The following SPTBN4 variants were observed in gnomAD, a reference collection of about 807,000 sequenced individuals.
SPTBN4 encodes spectrin beta chain, non-erythrocytic 4.
In SPTBN4, 96 loss-of-function variants were observed where a neutral mutation model predicts 277.8. The ratio of observed to expected loss-of-function variants is 0.35; its 90% CI spans 0.29 to 0.41. The LOEUF is 0.41. SPTBN4 is among the 10% of genes least tolerant of loss of function. The pLI, the probability that SPTBN4 is intolerant of heterozygous loss-of-function variation, is 1.00. For missense variants in SPTBN4, 3,006 were observed against 3,595.7 expected, an observed-to-expected ratio of 0.84 and a Z score of 4.19; for synonymous variants, 1,481 against 1,580.3, an observed-to-expected ratio of 0.94 and a Z score of 1.49.
At chr19:40,559,694 AG>A (rs2145940927) in intron 26 of SPTBN4, among the ~76,000 whole-genome samples, 1 of 152,352 alleles carries the variant, frequency 6.6e-6, no homozygotes, top group East Asian at 1.9e-4. Flanking sequence ...GAGTGAGCAG[AG>A]CTCATACAGC....
chr19:40,522,348 A>ATTTT (rs567161952), intron 16 of SPTBN4, among the ~76,000 whole-genome samples: 22 of 117,696 alleles, frequency 1.9e-4, no homozygotes, highest in African/African-American at 6.4e-4. Flanking sequence ...ATAGTAACCA[A>ATTTT]TTTTTTTTTT....
Position 40,504,015 on chromosome 19 carries a change from G to A in SPTBN4, c.1548G>A (p.Gln516=). The A allele has an allele frequency of 1.2e-6, 2 of 1,614,040 alleles. No individual in the cohort carries two copies. The highest frequency in any genetic ancestry group is 2.2e-5 in the East Asian group (1 of 44,880). ...VAAQRDSVLR[Q]WALLTGLVGA... ...CCCAGCGTGACAGCGTCCTGCGCCA[G>A]TGGGCCCTGCTAACTGGGCTTGTGG... Residue 516 remains glutamine, a synonymous_variant, in exon 12 of 36, where the codon CAG becomes CAA. Coordinates refer to ENST00000598249, the MANE Select transcript of SPTBN4 (RefSeq NM_020971.3).
chr19:40,554,660 T>C lies in SPTBN4; in HGVS notation c.5084+14T>C. 6.3e-7 allele frequency: 1 copy of C among 1,591,234 alleles called. No homozygotes were observed. Among genetic ancestry groups the C allele is most frequent in the Non-Finnish European group, 8.6e-7 (1 of 1,169,490 alleles). Reference sequence around the variant, plus strand: ...GCACCCGGACAGGTGGGCGGGCGCGTGGCCAGTTCACAGGAATGGTCCAGC... The same window carrying C: ...GCACCCGGACAGGTGGGCGGGCGCGCGGCCAGTTCACAGGAATGGTCCAGC... On this transcript the variant is annotated intron_variant, in intron 24 of 35. Coordinates refer to ENST00000598249, the MANE Select transcript of SPTBN4 (RefSeq NM_020971.3). This position sits in a 1 kb window ranked among gnomAD's most constrained non-coding sequence, Gnocchi z 5.7.
At chr19:40,533,744 G>C (rs1357063060) in intron 19 of SPTBN4, among the ~76,000 whole-genome samples, 1 of 151,810 alleles carries the variant, frequency 6.6e-6, no homozygotes, top group Admixed American at 6.6e-5. Context: ...TTCTGTGCCT[G>C]TCTCTCTGTT....
intron 17 of SPTBN4, among the ~76,000 whole-genome samples, chr19:40,528,042 C>T (rs1178442753): frequency 2.5e-4 from 32 of 125,652 alleles, no homozygotes; most frequent in African/African-American, 9.3e-4. Context: ...GGCGATGGAG[C>T]GAGACTCCAT....
intron 13 of SPTBN4, among the ~76,000 whole-genome samples, chr19:40,512,345 C>T (rs2080399806): frequency 1.3e-5 from 2 of 152,192 alleles, no homozygotes; most frequent in African/African-American, 4.8e-5. Flanking sequence ...AAGGAGCTCT[C>T]AGTCCAGTGG....
chr19:40,551,707 C>T (rs1301870267), intron 22 of SPTBN4, among the ~76,000 whole-genome samples: 1 of 152,204 alleles, frequency 6.6e-6, no homozygotes, highest in Non-Finnish European at 1.5e-5. Context: ...AATAATAAGG[C>T]ATTGTGCCAG....
Position 40,529,106 on chromosome 19 carries a change from A to G in SPTBN4, c.3923A>G (p.Gln1308Arg), listed in dbSNP as rs759112736. ...AAGCTACATGACCAACTTGAGCTGC[A>G]GCACTTCCTCCGAGACTGCCACGAG... ...MQKLHDQLEL[Q>R]HFLRDCHELD... The change falls in exon 18 of 36, where the codon CAG becomes CGG. Residue 1308 changes from glutamine to arginine, a missense_variant. Gln to Arg is a conservative substitution (Grantham distance 43). Around this residue, in one of 5 missense-constraint regions of SPTBN4, gnomAD observed 1,759 missense variants for 2,061.5 expected, o/e 0.85. Coordinates refer to ENST00000598249, the MANE Select transcript of SPTBN4 (RefSeq NM_020971.3). 6.2e-7 allele frequency: 1 copy of G among 1,614,058 alleles called. No homozygotes were observed. The highest frequency in any genetic ancestry group is 2.2e-5 in the East Asian group (1 of 44,876).
intron 19 of SPTBN4, 51 bp from the exon 20 acceptor site, chr19:40,534,029 C>T: frequency 1.9e-6 from 3 of 1,540,700 alleles, no homozygotes; most frequent in Non-Finnish European, 2.6e-6. Context: ...CTGATTCTCC[C>T]CACCATCTAT....
intron 22 of SPTBN4, among the ~76,000 whole-genome samples, chr19:40,550,738 C>T (rs1458089710): frequency 8.6e-5 from 13 of 152,016 alleles, no homozygotes; most frequent in Admixed American, 6.6e-4. Flanking sequence ...AGGCTGGGCT[C>T]GAACTCCTGG....
intron 16 of SPTBN4, among the ~76,000 whole-genome samples, chr19:40,520,489 A>G (rs1420931785): frequency 1.3e-5 from 2 of 152,178 alleles, no homozygotes; most frequent in Non-Finnish European, 2.9e-5. Context: ...GAAAGGAAAT[A>G]AGACTATGAG....
intron 15 of SPTBN4, among the ~76,000 whole-genome samples, chr19:40,517,088 C>G (rs906095752): frequency 6.6e-6 from 1 of 152,162 alleles, no homozygotes. Context: ...AAATACAGTT[C>G]TGGCTGAATC....
intron 3 of SPTBN4, 21 bp downstream of exon 3, chr19:40,487,869 G>C: frequency 1.3e-6 from 2 of 1,576,422 alleles, no homozygotes; most frequent in Non-Finnish European, 1.7e-6. Flanking sequence ...CTGAAGGGCT[G>C]GGGCAGGGGT....
chr19:40,570,287 G>T, intron 32 of SPTBN4, 149 bp from the exon 33 acceptor site: 1 of 450,756 alleles, frequency 2.2e-6, no homozygotes, highest in Non-Finnish European at 3.9e-6. Context: ...CCTAAGAATT[G>T]GGCCTCCAAC....
intron 1 of SPTBN4, among the ~76,000 whole-genome samples, chr19:40,472,092 TAG>T (rs2079891569): frequency 6.6e-6 from 1 of 151,940 alleles, no homozygotes; most frequent in South Asian, 2.1e-4. Context: ...GTATTTTTAT[TAG>T]AGACAGCGTT....
chr19:40,532,856 G>T, intron 19 of SPTBN4, 85 bp downstream of exon 19: 1 of 1,470,128 alleles, frequency 6.8e-7, no homozygotes, highest in South Asian at 1.4e-5. Context: ...ACCCGCTGCT[G>T]CCATCCTGCT....
intron 27 of SPTBN4, among the ~76,000 whole-genome samples, chr19:40,564,094 C>A (rs2081069842): frequency 6.6e-6 from 1 of 151,318 alleles, no homozygotes; most frequent in Non-Finnish European, 1.5e-5. Context: ...GTGGCTCACG[C>A]CTGTAATCCC....
chr19:40,522,346 CA>C (rs1300942121), intron 16 of SPTBN4, among the ~76,000 whole-genome samples: 3 of 120,208 alleles, frequency 2.5e-5, no homozygotes, highest in South Asian at 5.4e-4. Context: ...TCATAGTAAC[CA>C]ATTTTTTTTT....
intron 21 of SPTBN4, 87 bp downstream of exon 21, chr19:40,549,500 C>A (rs2145923684): frequency 9.3e-7 from 1 of 1,077,478 alleles, no homozygotes; most frequent in Non-Finnish European, 1.3e-6. Flanking sequence ...AAGATGGAGA[C>A]GGCTGAGACC....
Sources: gnomAD v4.1 joint callset for allele counts (sites outside exome capture counted in the v4.1 genomes callset) on GRCh38, gnomAD v4.1.1 for gene constraint, gnomAD v4.1.1 regional missense constraint, Gnocchi (gnomAD v3.1) non-coding constraint, MANE v1.5 for transcripts, NCBI Gene and HGNC (gene_info 2026-07-23, HGNC 2026-07-21) for gene names.